MDGA2: variants seen among roughly 807,000 people sequenced by gnomAD.
The protein encoded by MDGA2 is MAM domain containing glycosylphosphatidylinositol anchor 2, also known as MAM domain-containing glycosylphosphatidylinositol anchor protein 2.
MDGA2 carries 40 observed loss-of-function variants against 117.8 expected under a neutral mutation model. The observed-to-expected ratio is 0.34, with a 90% CI of 0.26 to 0.44. MDGA2 has a LOEUF of 0.44. MDGA2 is among the 20% of genes least tolerant of loss of function. The pLI, the probability that MDGA2 is intolerant of heterozygous loss-of-function variation, is 1.00. For synonymous variants in MDGA2, 452 were observed against 439.0 expected, an observed-to-expected ratio of 1.03 and a Z score of -0.37; for missense variants, 1,123 against 1,250.6, an observed-to-expected ratio of 0.90 and a Z score of 1.54.
chr14:47,611,177 C>G (rs1566540565), intron 1 of MDGA2, among the ~76,000 whole-genome samples: 1 of 152,094 alleles, frequency 6.6e-6, no homozygotes, highest in Non-Finnish European at 1.5e-5. Context: ...GAAACTGGAT[C>G]CTCATCTCTC....
At chr14:47,319,587 C>A (rs998672298) in intron 1 of MDGA2, among the ~76,000 whole-genome samples, 38 of 152,122 alleles carry the variant, frequency 2.5e-4, no homozygotes, top group Admixed American at 3.3e-4. Flanking sequence ...TTTCTATAGA[C>A]CTGATAAAAA....
intron 8 of MDGA2, among the ~76,000 whole-genome samples, chr14:47,018,293 T>C (rs553620159): frequency 1.7e-4 from 26 of 152,112 alleles, no homozygotes; most frequent in Non-Finnish European, 3.7e-4. Flanking sequence ...TGCCTTCTGC[T>C]AGTGGCTTAG....
intron 1 of MDGA2, among the ~76,000 whole-genome samples, chr14:47,344,088 C>T (rs1419621707): frequency 6.6e-6 from 1 of 152,160 alleles, no homozygotes; most frequent in Non-Finnish European, 1.5e-5. Flanking sequence ...AGTTGTTTCC[C>T]TCATTTTCTT....
intron 8 of MDGA2, among the ~76,000 whole-genome samples, chr14:46,993,648 G>A (rs1887178599): frequency 6.6e-6 from 1 of 151,902 alleles, no homozygotes; most frequent in Non-Finnish European, 1.5e-5. Flanking sequence ...TTTCAGTAGA[G>A]ACGGGTTTCA....
intron 9 of MDGA2, among the ~76,000 whole-genome samples, chr14:46,940,544 C>T (rs1884959407): frequency 6.6e-6 from 1 of 151,080 alleles, no homozygotes; most frequent in Admixed American, 6.6e-5. Context: ...GGAAGAATTG[C>T]TCGAACCCGG....
At chr14:47,193,050 CTTTTTATTCTTAAG>C (rs148180281) in intron 3 of MDGA2, among the ~76,000 whole-genome samples, 14,144 of 152,154 alleles carry the variant, frequency 0.093, 786 homozygotes, top group African/African-American at 0.15. Context: ...TTCAGGAAAC[CTTTTTATTCTTAAG>C]TTATTTGGTG....
intron 1 of MDGA2, among the ~76,000 whole-genome samples, chr14:47,560,785 C>T (rs943637058): frequency 6.6e-6 from 1 of 151,942 alleles, no homozygotes; most frequent in Non-Finnish European, 1.5e-5. Flanking sequence ...TTTGCCAGGT[C>T]CTATATCCTA....
intron 7 of MDGA2, among the ~76,000 whole-genome samples, chr14:47,042,618 G>C (rs1889118759): frequency 1.3e-5 from 2 of 152,102 alleles, no homozygotes; most frequent in African/African-American, 4.8e-5. Flanking sequence ...CTCGGATTTT[G>C]AAGTTTTGAG....
intron 2 of MDGA2, among the ~76,000 whole-genome samples, chr14:47,230,533 C>G (rs1886653294): frequency 6.6e-6 from 1 of 151,920 alleles, no homozygotes. Context: ...GCATCTGAAA[C>G]TGGAAAGAGA....
Position 47,513,641 on chromosome 14 carries a change from C to T in MDGA2, c.280+160876G>A, listed in dbSNP as rs538966385. On this transcript the variant is annotated intron_variant, in intron 1 of 16. Coordinates refer to ENST00000399232, the MANE Select transcript of MDGA2 (RefSeq NM_001113498.3). ...ATAGCAGAATCAATCACAATGTAAA[C>T]ATTTCTTCGGATACATATTGTTCCT... Among the ~76,000 whole-genome samples the T allele has an allele frequency of 2.6e-4, 40 of 152,064 alleles. 2 individuals are homozygous for T. In the South Asian group the frequency reaches 8.1e-3, roughly 31 times the overall value.
At chr14:47,644,863 T>C (rs753425016) in intron 1 of MDGA2, among the ~76,000 whole-genome samples, 1 of 152,110 alleles carries the variant, frequency 6.6e-6, no homozygotes, top group Non-Finnish European at 1.5e-5. Flanking sequence ...AAAATAAATC[T>C]TAAAAATATA....
intron 1 of MDGA2, among the ~76,000 whole-genome samples, chr14:47,648,960 TC>T (rs1897587603): frequency 6.6e-6 from 1 of 152,164 alleles, no homozygotes; most frequent in Admixed American, 6.5e-5. Context: ...CCTACAGCTA[TC>T]ACATTAACAC....
chr14:47,137,993 T>C (rs1882539322), intron 4 of MDGA2, among the ~76,000 whole-genome samples: 1 of 152,160 alleles, frequency 6.6e-6, no homozygotes, highest in African/African-American at 2.4e-5. Flanking sequence ...TAATGGAATA[T>C]TGTTTAAAAT....
intron 2 of MDGA2, among the ~76,000 whole-genome samples, chr14:47,256,667 T>C (rs1887630299): frequency 1.3e-5 from 2 of 152,212 alleles, no homozygotes; most frequent in Non-Finnish European, 2.9e-5. Context: ...ACTTTAAATA[T>C]AACTTTTTCC....
At chr14:47,400,641 G>A (rs1384270219) in intron 1 of MDGA2, among the ~76,000 whole-genome samples, 2 of 149,342 alleles carry the variant, frequency 1.3e-5, no homozygotes, top group African/African-American at 4.9e-5. Context: ...AGCTGAGATC[G>A]TGCCACTGCA....
rs952929999 is a variant in MDGA2 at position 47,380,200 on chromosome 14, C to T, written c.281-78650G>A. On this transcript the variant is annotated intron_variant, in intron 1 of 16. Transcript: ENST00000399232. ...GAACAAAGACACAACATACGAGAAC[C>T]TCTCGGACACATTTAAAGCAGTGTG... Among the ~76,000 whole-genome samples, 11 of 152,130 alleles carry T rather than the reference C, an allele frequency of 7.2e-5. No homozygotes were observed. The South Asian group carries it at 2.3e-3, about 32-fold the overall frequency.
At position 47,374,273 on chromosome 14, in the gene MDGA2, C is replaced by T. The variant is rs35197243; in HGVS notation, c.281-72723G>A. 4.5e-3 allele frequency among the ~76,000 whole-genome samples: 692 copies of T among 152,104 alleles called. 4 individuals are homozygous for T. Among genetic ancestry groups the T allele is most frequent in the Non-Finnish European group, 7.7e-3 (521 of 67,954 alleles). The stretch of plus-strand genomic sequence containing the variant: ...TCTAAATAAGAGTGAAAGAATAAAT[C>T]TCATTTAAGAGAAGTCCTGAGTTCT... On this transcript the variant is annotated intron_variant, in intron 1 of 16. Transcript: ENST00000399232.
intron 1 of MDGA2, among the ~76,000 whole-genome samples, chr14:47,600,433 C>A (rs1896626798): frequency 6.6e-6 from 1 of 151,434 alleles, no homozygotes; most frequent in Admixed American, 6.6e-5. Context: ...GATATTGTCT[C>A]AAAAAAAATT....
At chr14:47,200,529 C>CTTTTTTT in intron 3 of MDGA2, 9 of 586,028 alleles carry the variant, frequency 1.5e-5, no homozygotes, top group Admixed American at 3.9e-5. Context: ...TTTTCTTTTT[C>CTTTTTTT]TTTTCTTTTT....
Sources: gnomAD v4.1 joint callset for allele counts (sites outside exome capture counted in the v4.1 genomes callset) on GRCh38, gnomAD v4.1.1 for gene constraint, MANE v1.5 for transcripts, NCBI Gene and HGNC (gene_info 2026-07-23, HGNC 2026-07-21) for gene names.